The following ADGRB3 variants were observed in gnomAD, a reference collection of about 807,000 sequenced individuals.
The protein encoded by ADGRB3 is adhesion G protein-coupled receptor B3.
A neutral mutation model predicts 193.4 loss-of-function variants in ADGRB3; 37 were observed. The ratio of observed to expected loss-of-function variants is 0.19; its 90% CI spans 0.15 to 0.25. The LOEUF (loss-of-function observed/expected upper bound fraction) is 0.25. Among genes scored for constraint, ADGRB3 ranks in the 10% least tolerant of loss-of-function variants. The pLI is 1.00. For synonymous variants in ADGRB3, 690 were observed against 644.2 expected, an observed-to-expected ratio of 1.07 and a Z score of -1.08; for missense variants, 1,637 against 1,852.9, an observed-to-expected ratio of 0.88 and a Z score of 2.14.
intron 10 of ADGRB3, among the ~76,000 whole-genome samples, chr6:68,988,631 G>A (rs1769146022): frequency 6.6e-6 from 1 of 152,102 alleles, no homozygotes; most frequent in East Asian, 1.9e-4. Context: ...TTAACGCAGG[G>A]GGATATCAAA....
chr6:69,203,314 A>G (rs1765471629), intron 17 of ADGRB3, among the ~76,000 whole-genome samples: 1 of 152,152 alleles, frequency 6.6e-6, no homozygotes, highest in Non-Finnish European at 1.5e-5. Flanking sequence ...ACACCTTGTT[A>G]TAACCCATTC....
chr6:69,366,315 G>A (rs927992785), intron 29 of ADGRB3, among the ~76,000 whole-genome samples: 3 of 151,974 alleles, frequency 2.0e-5, no homozygotes, highest in African/African-American at 7.2e-5. Context: ...TATTTTTAGT[G>A]GATTTGCTAC....
intron 13 of ADGRB3, among the ~76,000 whole-genome samples, chr6:69,031,048 T>TTTTTTTC (rs1562128880): frequency 0.023 from 295 of 12,808 alleles, 53 homozygotes; most frequent in Middle Eastern, 0.12. Flanking sequence ...TCTCTTCTCT[T>TTTTTTTC]CTCTTCTCTT....
intron 20 of ADGRB3, among the ~76,000 whole-genome samples, chr6:69,247,457 C>G (rs1480123139): frequency 6.6e-6 from 1 of 152,158 alleles, no homozygotes; most frequent in Non-Finnish European, 1.5e-5. Flanking sequence ...GTGTGCATTC[C>G]AGCTTTCTTA....
chr6:68,846,627 A>G (rs1768281132), intron 3 of ADGRB3, among the ~76,000 whole-genome samples: 1 of 152,246 alleles, frequency 6.6e-6, no homozygotes, highest in Admixed American at 6.5e-5. Context: ...GGCAGCTTCC[A>G]TGTGCTGTTG....
intron 16 of ADGRB3, among the ~76,000 whole-genome samples, chr6:69,073,452 G>A (rs1772136732): frequency 6.6e-6 from 1 of 152,050 alleles, no homozygotes; most frequent in South Asian, 2.1e-4. Context: ...GATTAGGCTT[G>A]CAGACACTTT....
Position 69,046,304 on chromosome 6 carries a change from A to G in ADGRB3, c.2108-1881A>G, listed in dbSNP as rs960260151. 7.2e-5 allele frequency among the ~76,000 whole-genome samples: 11 copies of G among 152,184 alleles called. 1 individual carries two copies. The highest frequency in any genetic ancestry group is 7.2e-4 in the Admixed American group (11 of 15,276). ...ACTTTCCTCTAAACCCCAAGACATC[A>G]AAAGTTAGAGTTAAGGCATATAACA... is the stretch of plus-strand genomic sequence containing the variant. On this transcript the variant is annotated intron_variant, in intron 13 of 31. Coordinates refer to ENST00000370598, the MANE Select transcript of ADGRB3 (RefSeq NM_001704.3).
At position 69,231,064 on chromosome 6, in the gene ADGRB3, G is replaced by GA. The variant is rs201115158; in HGVS notation, c.2481-2226_2481-2225insA. ...GTGAAGGACTAAAACATGAACATCG[G>GA]CGTTACTTACTTCCCAGTTTTGCCT... On this transcript the variant is annotated intron_variant, in intron 17 of 31. Transcript: ENST00000370598. Among the ~76,000 whole-genome samples the GA allele has an allele frequency of 7.0e-3, 1,073 of 152,254 alleles. 10 individuals are homozygous for GA. Among genetic ancestry groups the GA allele is most frequent in the African/African-American group, 0.024 (999 of 41,540 alleles).
intron 6 of ADGRB3, among the ~76,000 whole-genome samples, chr6:68,948,456 C>T (rs1767830466): frequency 6.6e-6 from 1 of 151,962 alleles, no homozygotes. Context: ...GTTGCATTTT[C>T]CAGTATGACT....
chr6:68,964,570 A>G (rs1408745139), intron 8 of ADGRB3, among the ~76,000 whole-genome samples: 1 of 152,216 alleles, frequency 6.6e-6, no homozygotes, highest in Non-Finnish European at 1.5e-5. Context: ...CAAAATGTTG[A>G]GCATACCCCA....
Position 69,124,138 on chromosome 6 carries a change from G to T in ADGRB3, c.2480+48100G>T, listed in dbSNP as rs11968068. Among the ~76,000 whole-genome samples the T allele has an allele frequency of 7.3e-5, 11 of 151,104 alleles. 1 individual carries two copies. Among genetic ancestry groups the T allele is most frequent in the Non-Finnish European group, 1.5e-4 (10 of 67,806 alleles). On this transcript the variant is annotated intron_variant, in intron 17 of 31. Transcript: ENST00000370598. ...TTTTTAACTCTCTGTAATTTTTGAC[G>T]TATCTTTATCTTTATATTTTACAAA...
At chr6:68,855,996 C>G (rs1475596729) in intron 3 of ADGRB3, among the ~76,000 whole-genome samples, 1 of 152,154 alleles carries the variant, frequency 6.6e-6, no homozygotes, top group African/African-American at 2.4e-5. Flanking sequence ...CCATGCTGTT[C>G]TCATGATAGT....
intron 20 of ADGRB3, among the ~76,000 whole-genome samples, chr6:69,313,505 CTCAGCA>C (rs1768242980): frequency 6.6e-6 from 1 of 151,814 alleles, no homozygotes; most frequent in South Asian, 2.1e-4. Context: ...GCCTAGGAAT[CTCAGCA>C]TCAGGGCTGC....
chr6:69,286,910 A>G (rs1364959639), intron 20 of ADGRB3, among the ~76,000 whole-genome samples: 1 of 152,176 alleles, frequency 6.6e-6, no homozygotes, highest in African/African-American at 2.4e-5. Flanking sequence ...GACCTCTCTG[A>G]TGAGTTTAAT....
chr6:68,882,649 C>T (rs1471785017), intron 3 of ADGRB3, among the ~76,000 whole-genome samples: 1 of 152,070 alleles, frequency 6.6e-6, no homozygotes. Flanking sequence ...TCCTAGACTC[C>T]TCCCTTAAGT....
intron 3 of ADGRB3, among the ~76,000 whole-genome samples, chr6:68,821,116 T>G (rs1767740809): frequency 6.6e-6 from 1 of 152,068 alleles, no homozygotes; most frequent in South Asian, 2.1e-4. Flanking sequence ...CAGTTTGTTT[T>G]CATATAAGCC....
chr6:68,659,250 G>A (rs1432704368), intron 3 of ADGRB3, among the ~76,000 whole-genome samples: 4 of 150,022 alleles, frequency 2.7e-5, no homozygotes, highest in African/African-American at 9.7e-5. Flanking sequence ...CAATGTTTTG[G>A]GGATGTGACA....
At chr6:69,207,657 C>A (rs548999621) in intron 17 of ADGRB3, among the ~76,000 whole-genome samples, 2 of 152,308 alleles carry the variant, frequency 1.3e-5, no homozygotes, top group African/African-American at 4.8e-5. Flanking sequence ...AGTATTGTCA[C>A]ATAGTTAGCA....
chr6:68,974,946 T>C (rs1481871009), intron 9 of ADGRB3, 82 bp downstream of exon 9: 1 of 1,218,068 alleles, frequency 8.2e-7, no homozygotes, highest in African/African-American at 1.5e-5. Flanking sequence ...GAAGTCATGT[T>C]TTTGTCTTAT....
Sources: gnomAD v4.1 joint callset for allele counts (sites outside exome capture counted in the v4.1 genomes callset) on GRCh38, gnomAD v4.1.1 for gene constraint, MANE v1.5 for transcripts, NCBI Gene and HGNC (gene_info 2026-07-23, HGNC 2026-07-21) for gene names.